Variants in DYNC2I1 observed in about 807,000 individuals in gnomAD.
DYNC2I1 encodes cytoplasmic dynein 2 intermediate chain 1.
A neutral mutation model predicts 133.4 loss-of-function variants in DYNC2I1; 89 were observed. That is an observed-to-expected ratio of 0.67 (90% CI 0.56 to 0.80). The LOEUF (loss-of-function observed/expected upper bound fraction) is 0.80, where lower values mean the gene tolerates loss of function less well. DYNC2I1 is among the 30% of genes least tolerant of loss of function. DYNC2I1 has a pLI of 0.00. For missense variants in DYNC2I1, 1,291 were observed against 1,314.5 expected, an observed-to-expected ratio of 0.98 and a Z score of 0.28; for synonymous variants, 504 against 484.3, an observed-to-expected ratio of 1.04 and a Z score of -0.54.
At chr7:158,847,460 G>A in the DYNC2I1 span, among the ~76,000 whole-genome samples, 4 of 152,102 alleles carry the variant, frequency 2.6e-5, no homozygotes, top group Admixed American at 6.5e-5. Context: ...GGCACAGAAT[G>A]AGAAATCTTT....
At chr7:158,915,784 A>G (rs1455831345) in intron 14 of DYNC2I1, among the ~76,000 whole-genome samples, 1 of 146,428 alleles carries the variant, frequency 6.8e-6, no homozygotes, top group Non-Finnish European at 1.5e-5. Context: ...GAGATTAAGG[A>G]TGATTGTGAA....
chr7:158,869,550 C>G, intron 1 of DYNC2I1: 1 of 508,260 alleles, frequency 2.0e-6, no homozygotes, highest in Non-Finnish European at 4.0e-6. Context: ...TTTAAACCCA[C>G]AGAATATTTG....
intron 11 of DYNC2I1, among the ~76,000 whole-genome samples, chr7:158,910,486 CTG>C (rs1847311758): frequency 6.7e-6 from 1 of 149,308 alleles, no homozygotes; most frequent in African/African-American, 2.5e-5. Flanking sequence ...GTGCGATTGG[CTG>C]TGTCAGGCCT....
chr7:158,903,620 G>A (rs146765437), intron 10 of DYNC2I1: 154 of 152,350 alleles, frequency 1.0e-3, no homozygotes, highest in African/African-American at 3.6e-3. Flanking sequence ...TCCTGGTAGA[G>A]GTAAGGATCT....
chr7:158,914,785 G>C (rs955872365), intron 14 of DYNC2I1, among the ~76,000 whole-genome samples: 1 of 152,106 alleles, frequency 6.6e-6, no homozygotes, highest in African/African-American at 2.4e-5. Flanking sequence ...TGTGGGTCTC[G>C]TCTGACCCCC....
Position 158,871,204 on chromosome 7 carries a change from G to A in DYNC2I1, c.132G>A (p.Glu44=). The A allele has an allele frequency of 6.2e-7, 1 of 1,613,810 alleles. No homozygotes were observed. The part of the protein sequence containing the change: ...RKHREKKLRK[E]SEMDLPEHKE... ...ACAGAGAGAAGAAGCTGCGTAAGGA[G>A]TCTGAGATGGACCTTCCTGAACATA... The change falls in exon 3 of 25, where the codon GAG becomes GAA. Residue 44 remains glutamate, a synonymous_variant. Coordinates refer to ENST00000407559, the MANE Select transcript of DYNC2I1 (RefSeq NM_018051.5).
the DYNC2I1 span, among the ~76,000 whole-genome samples, chr7:158,846,053 A>C: frequency 3.3e-5 from 5 of 152,168 alleles, no homozygotes; most frequent in South Asian, 2.1e-4. Flanking sequence ...TGAGACTAGG[A>C]GTTCGAGACT....
chr7:158,890,326 C>A (rs185896035), intron 7 of DYNC2I1, among the ~76,000 whole-genome samples: 152 of 150,372 alleles, frequency 1.0e-3, no homozygotes, highest in African/African-American at 3.6e-3. Context: ...TTTTTCTTTT[C>A]CAGAGGAGTA....
intron 7 of DYNC2I1, 41 bp downstream of exon 7, chr7:158,887,116 C>T (rs774080878): frequency 3.8e-6 from 6 of 1,574,988 alleles, no homozygotes; most frequent in African/African-American, 2.7e-5. Flanking sequence ...TTTTATGGTA[C>T]ATTGAGATTA....
At chr7:158,955,192 GACTTAACACTTT>G (rs1563222920) in intron 4 of DYNC2I1, among the ~76,000 whole-genome samples, 1 of 152,202 alleles carries the variant, frequency 6.6e-6, no homozygotes, top group Non-Finnish European at 1.5e-5. Context: ...AGCATCCCTG[GACTTAACACTTT>G]ACTCTCTGTT....
At chr7:158,946,756 A>G (rs1437889554), downstream of DYNC2I1, among the ~76,000 whole-genome samples, 1 of 152,218 alleles carries the variant, frequency 6.6e-6, no homozygotes, top group Admixed American at 6.5e-5. Context: ...ATGTGTCACA[A>G]ACACCCATCC....
At chr7:158,918,245 TAG>T (rs1848675360) in intron 14 of DYNC2I1, among the ~76,000 whole-genome samples, 11 of 152,222 alleles carry the variant, frequency 7.2e-5, no homozygotes, top group Admixed American at 7.2e-4. Context: ...TTCCTTGTGT[TAG>T]TTCTCAGGAA....
At chr7:158,860,178 C>T (rs1256464118) in intron 1 of DYNC2I1, among the ~76,000 whole-genome samples, 5 of 151,904 alleles carry the variant, frequency 3.3e-5, no homozygotes, top group East Asian at 3.9e-4. Context: ...GCCTCAGCCT[C>T]GCAAGTAGCT....
intron 6 of DYNC2I1, among the ~76,000 whole-genome samples, chr7:158,886,630 G>A (rs544009385): frequency 9.2e-5 from 14 of 152,234 alleles, no homozygotes; most frequent in Admixed American, 4.6e-4. Flanking sequence ...TTGAGAAAGG[G>A]TCTTTCTCTG....
the DYNC2I1 span, among the ~76,000 whole-genome samples, chr7:158,848,998 C>T: frequency 2.0e-5 from 3 of 151,964 alleles, no homozygotes; most frequent in Non-Finnish European, 4.4e-5. Flanking sequence ...CACAAGTCTT[C>T]TGTATTTGCC....
At chr7:158,905,134 C>CTTTTTTT in intron 10 of DYNC2I1, 1 of 313,836 alleles carries the variant, frequency 3.2e-6, no homozygotes, top group Non-Finnish European at 6.1e-6. Context: ...TCTTGTCTTT[C>CTTTTTTT]TTTTTCTTTT....
chr7:158,877,357 A>C (rs1391391112), intron 4 of DYNC2I1, among the ~76,000 whole-genome samples: 1 of 152,216 alleles, frequency 6.6e-6, no homozygotes, highest in African/African-American at 2.4e-5. Context: ...CTGGACACTT[A>C]GGTTGTTTCT....
intron 5 of DYNC2I1, among the ~76,000 whole-genome samples, chr7:158,883,341 C>T (rs1844240353): frequency 6.6e-6 from 1 of 151,604 alleles, no homozygotes; most frequent in African/African-American, 2.4e-5. Flanking sequence ...CCTCAGCCTC[C>T]CGAGTGGCTG....
At chr7:158,956,813 ATGTT>A (rs552881887), downstream of DYNC2I1, 4 of 152,330 alleles carry the variant, frequency 2.6e-5, no homozygotes, top group Admixed American at 2.6e-4. Context: ...TTTTAGGAAA[ATGTT>A]AGGCCTGATC....
Sources: gnomAD v4.1 joint callset for allele counts (sites outside exome capture counted in the v4.1 genomes callset) on GRCh38, gnomAD v4.1.1 for gene constraint, MANE v1.5 for transcripts, NCBI Gene and HGNC (gene_info 2026-07-23, HGNC 2026-07-21) for gene names.